Variants in P4HA3 observed in about 807,000 individuals in gnomAD.
P4HA3 encodes prolyl 4-hydroxylase subunit alpha-3.
Under a neutral mutation model 66.7 loss-of-function variants are expected in P4HA3, and 60 were observed. The observed-to-expected ratio is 0.90, with a 90% confidence interval of 0.73 to 1.12. The LOEUF (loss-of-function observed/expected upper bound fraction) is 1.12, where lower values mean the gene tolerates loss of function less well. Among genes scored for constraint, P4HA3 ranks in the 50% most tolerant of loss-of-function variants. The pLI, the probability that P4HA3 is intolerant of heterozygous loss-of-function variation, is 0.00. For missense variants in P4HA3, 683 were observed against 685.8 expected, an observed-to-expected ratio of 1.00 and a Z score of 0.05; for synonymous variants, 263 against 274.6, an observed-to-expected ratio of 0.96 and a Z score of 0.42.
intron 7 of P4HA3, among the ~76,000 whole-genome samples, chr11:74,280,251 T>C (rs939134013): frequency 6.6e-6 from 1 of 152,046 alleles, no homozygotes; most frequent in Non-Finnish European, 1.5e-5. Context: ...ACTCCTAGAC[T>C]CAAGCAATCC....
intron 15 of P4HA3, chr11:74,251,829 C>A: frequency 7.8e-7 from 1 of 1,277,944 alleles, no homozygotes; most frequent in Non-Finnish European, 1.1e-6. Flanking sequence ...GGTCACCATG[C>A]CTTTCTTCCT....
Position 74,289,203 on chromosome 11 carries a change from T to TG in P4HA3, c.718-74_718-73insC, listed in dbSNP as rs1302745830. 4.5e-6 allele frequency: 5 copies of TG among 1,101,002 alleles called. No homozygotes were observed. In the South Asian group the frequency reaches 1.0e-4, roughly 23 times the overall value. The allele number at this position is 1,101,002 out of a possible 1,614,324, so 68.2% of individuals were successfully genotyped here. A position where few individuals can be genotyped will look rare whatever the true frequency, so the allele number is the denominator to read the frequency against. Reference sequence around the variant, plus strand: ...TATCTCTTCTGAACAAACCATTAAATTAAAAAAAAAAAAAGATAAAATATT... The same window carrying TG: ...TATCTCTTCTGAACAAACCATTAAATGTAAAAAAAAAAAAAGATAAAATATT... On this transcript the variant is annotated intron_variant, in intron 4 of 12. Transcript: ENST00000331597.
At chr11:74,291,504 G>A (rs1455047071) in intron 4 of P4HA3, among the ~76,000 whole-genome samples, 1 of 152,190 alleles carries the variant, frequency 6.6e-6, no homozygotes, top group African/African-American at 2.4e-5. Context: ...TAGTGAGAGA[G>A]GGCATCCCTG....
At chr11:74,305,240 G>A (rs147510705) in intron 1 of P4HA3, among the ~76,000 whole-genome samples, 5 of 152,210 alleles carry the variant, frequency 3.3e-5, no homozygotes, top group Non-Finnish European at 5.9e-5. Context: ...GAAGGGGGAA[G>A]GAAAGGCTTC....
rs909430649 is a variant in P4HA3 at position 74,267,009 on chromosome 11, C to A, written c.*239G>T. On this transcript the variant is annotated 3_prime_UTR_variant, in exon 13 of 13. Coordinates refer to ENST00000331597, the MANE Select transcript of P4HA3 (RefSeq NM_182904.5). ...GAAACTTCCCTCTCAGGCCTCCACT[C>A]CCCCCTCCTTTGTACTGTGCATCCT... 9 of 1,506,598 alleles carry A rather than the reference C, an allele frequency of 6.0e-6. No homozygotes were observed. Among genetic ancestry groups the A allele is most frequent in the Middle Eastern group, 1.7e-4 (1 of 5,830 alleles). 93.3% of individuals were successfully genotyped at this position (1,506,598 alleles called of 1,614,324 possible).
rs749333575 is a variant in P4HA3 at position 74,285,857 on chromosome 11, G to A, written c.1062C>T (p.Phe354=). ...TTTTCTGAGCCTCTGAGTCACTGAC[G>A]AAGTCATGGTAGAGAGCAATGTAGG... ...LEPYIALYHD[F]VSDSEAQKIR... Residue 354 remains phenylalanine, a synonymous_variant, in exon 7 of 13, where the codon TTC becomes TTT. Coordinates refer to ENST00000331597, the MANE Select transcript of P4HA3 (RefSeq NM_182904.5). 16 of 1,613,968 alleles carry A rather than the reference G, an allele frequency of 9.9e-6. No homozygotes were observed. Among genetic ancestry groups the A allele is most frequent in the South Asian group, 8.8e-5 (8 of 91,078 alleles).
At chr11:74,264,377 C>G (rs897752655), downstream of P4HA3, among the ~76,000 whole-genome samples, 1 of 152,150 alleles carries the variant, frequency 6.6e-6, no homozygotes, top group Admixed American at 6.5e-5. Flanking sequence ...CTAATACATG[C>G]AAAGCCTGGT....
chr11:74,272,186 A>T (rs112599726), intron 10 of P4HA3, among the ~76,000 whole-genome samples: 6 of 150,188 alleles, frequency 4.0e-5, no homozygotes, highest in East Asian at 1.9e-4. Context: ...ATGCACACAC[A>T]TGTGAAAGTG....
At chr11:74,294,032 T>C (rs548854920) in intron 4 of P4HA3, among the ~76,000 whole-genome samples, 5 of 152,386 alleles carry the variant, frequency 3.3e-5, no homozygotes, top group African/African-American at 1.2e-4. Context: ...GATAATATCC[T>C]GCAGAGTGTT....
downstream of P4HA3, among the ~76,000 whole-genome samples, chr11:74,265,398 G>A (rs1859974760): frequency 6.6e-6 from 1 of 152,182 alleles, no homozygotes; most frequent in South Asian, 2.1e-4. Context: ...TTCCCTTGGG[G>A]CCACAGAGCT....
intron 15 of P4HA3, chr11:74,256,058 T>C (rs1859824041): frequency 4.3e-5 from 19 of 445,882 alleles, no homozygotes; most frequent in South Asian, 1.6e-5. Context: ...TTGACACACA[T>C]CTCATTTAAT....
In P4HA3 at chr11:74,288,480, G is replaced by C. The variant is rs564166486; in HGVS notation, c.769+599C>G. The stretch of plus-strand genomic sequence containing the variant: ...CTGAAGAAACTGGCTCCCACTCCTG[G>C]ACTTTTTCCCATTGAAGCAACACTA... On this transcript the variant is annotated intron_variant, in intron 5 of 12. Coordinates refer to ENST00000331597, the MANE Select transcript of P4HA3 (RefSeq NM_182904.5). Among the ~76,000 whole-genome samples, 163 of 152,234 alleles carry C rather than the reference G, an allele frequency of 1.1e-3. 2 individuals carry two copies. The highest frequency in any genetic ancestry group is 1.7e-3 in the South Asian group (8 of 4,814).
chr11:74,277,248 A>G (rs1252522414), intron 8 of P4HA3, 104 bp from the exon 9 acceptor site: 1 of 1,398,092 alleles, frequency 7.2e-7, no homozygotes, highest in Non-Finnish European at 9.8e-7. Flanking sequence ...TAATTGCCAG[A>G]AGGAAGGATG....
chr11:74,260,854 A>G (rs1405244111), intron 14 of P4HA3, among the ~76,000 whole-genome samples: 3 of 152,252 alleles, frequency 2.0e-5, no homozygotes, highest in Middle Eastern at 3.4e-3. Context: ...TTATCCTTCA[A>G]TATGCAAACC....
chr11:74,257,290 A>G (rs1859845483), intron 15 of P4HA3, among the ~76,000 whole-genome samples: 2 of 152,066 alleles, frequency 1.3e-5, no homozygotes, highest in Admixed American at 1.3e-4. Flanking sequence ...ACGCCCAGCT[A>G]ATTTTTGTAT....
intron 2 of P4HA3, among the ~76,000 whole-genome samples, chr11:74,303,295 T>C (rs1015982864): frequency 4.1e-5 from 6 of 147,428 alleles, no homozygotes; most frequent in East Asian, 2.0e-4. Flanking sequence ...CAAACTTCTT[T>C]TTTTTTTTTT....
intron 12 of P4HA3, 67 bp from the exon 13 acceptor site, chr11:74,267,385 T>C: frequency 1.3e-6 from 2 of 1,577,698 alleles, no homozygotes; most frequent in Non-Finnish European, 1.7e-6. Context: ...TGCTGCAGAC[T>C]GGTGCGCACT....
chr11:74,304,551 A>G, intron 1 of P4HA3, 139 bp from the exon 2 acceptor site: 1 of 991,982 alleles, frequency 1.0e-6, no homozygotes, highest in Non-Finnish European at 1.5e-6. Context: ...GTCCAACCAA[A>G]AAGCCATGCA....
chr11:74,282,948 G>A (rs1399538029), intron 7 of P4HA3, among the ~76,000 whole-genome samples: 1 of 152,192 alleles, frequency 6.6e-6, no homozygotes, highest in African/African-American at 2.4e-5. Context: ...CCCAGCGAAG[G>A]TGCAGGGCTT....
Sources: allele counts gnomAD v4.1 joint callset (sites outside exome capture counted in the v4.1 genomes callset), GRCh38; gene constraint gnomAD v4.1.1; transcripts MANE v1.5; gene names NCBI Gene and HGNC (gene_info 2026-07-23, HGNC 2026-07-21).